ARID1B: variants seen among roughly 807,000 people sequenced by gnomAD.
The protein encoded by ARID1B is AT-rich interaction domain 1B, also known as AT-rich interactive domain-containing protein 1B.
A neutral mutation model predicts 212.3 loss-of-function variants in ARID1B; 30 were observed. The ratio of observed to expected loss-of-function variants is 0.14; its 90% CI spans 0.11 to 0.19. The LOEUF (loss-of-function observed/expected upper bound fraction) is 0.19. Ranked by LOEUF, ARID1B falls within the 10% of genes least tolerant of loss-of-function variation. The pLI is 1.00. For synonymous variants in ARID1B, 1,402 were observed against 1,301.7 expected (o/e 1.08, Z -1.66); for missense variants, 2,891 against 3,204.0 (o/e 0.90, Z 2.36).
intron 3 of ARID1B, among the ~76,000 whole-genome samples, chr6:156,908,998 C>CT (rs1357865313): frequency 6.6e-6 from 1 of 151,676 alleles, no homozygotes; most frequent in East Asian, 1.9e-4. Flanking sequence ...TGCCCTGTCT[C>CT]ATCTTTTCCT....
At chr6:156,833,039 A>G (rs1006947728) in intron 2 of ARID1B, among the ~76,000 whole-genome samples, 1 of 152,052 alleles carries the variant, frequency 6.6e-6, no homozygotes, top group Non-Finnish European at 1.5e-5. Flanking sequence ...GTTTTTGTTG[A>G]GTTCAGGGGG....
At chr6:156,979,157 C>T (rs1440665817) in intron 4 of ARID1B, among the ~76,000 whole-genome samples, 1 of 152,130 alleles carries the variant, frequency 6.6e-6, no homozygotes, top group African/African-American at 2.4e-5. Context: ...CTATACTTAC[C>T]AGGTGACAGA....
intron 8 of ARID1B, among the ~76,000 whole-genome samples, chr6:157,161,729 C>T (rs1163594616): frequency 6.6e-6 from 1 of 152,152 alleles, no homozygotes; most frequent in African/African-American, 2.4e-5. Flanking sequence ...GGAATTGGAG[C>T]ATTTCAAGGT....
intron 4 of ARID1B, among the ~76,000 whole-genome samples, chr6:156,971,961 C>G (rs946432331): frequency 1.3e-5 from 2 of 152,114 alleles, no homozygotes; most frequent in African/African-American, 4.8e-5. Flanking sequence ...GCACTTGAGG[C>G]TCGAGCGCCC....
chr6:157,019,316 T>C (rs1780087157), intron 4 of ARID1B, among the ~76,000 whole-genome samples: 2 of 152,162 alleles, frequency 1.3e-5, no homozygotes, highest in African/African-American at 2.4e-5. Flanking sequence ...TGGAGGCTAG[T>C]CTGTATTTCA....
chr6:157,105,685 T>C (rs1160336663), intron 5 of ARID1B, among the ~76,000 whole-genome samples: 5 of 152,164 alleles, frequency 3.3e-5, no homozygotes, highest in African/African-American at 1.2e-4. Context: ...CACTGCAACC[T>C]CCGCCTCCCG....
At chr6:157,163,205 A>G (rs533291993) in intron 8 of ARID1B, among the ~76,000 whole-genome samples, 1 of 152,296 alleles carries the variant, frequency 6.6e-6, no homozygotes, top group South Asian at 2.1e-4. Context: ...TGCTCTGGAA[A>G]GGACCCAGCT....
chr6:156,822,845 C>T (rs1480994810), intron 1 of ARID1B, among the ~76,000 whole-genome samples: 1 of 152,042 alleles, frequency 6.6e-6, no homozygotes, highest in African/African-American at 2.4e-5. Flanking sequence ...CGTGACCAGG[C>T]GGGTGTGCGA....
chr6:157,080,252 A>T (rs192847163), intron 4 of ARID1B, among the ~76,000 whole-genome samples: 30 of 152,292 alleles, frequency 2.0e-4, no homozygotes, highest in African/African-American at 5.1e-4. Flanking sequence ...TTTGCTTTTT[A>T]AAAAACCCAC....
chr6:156,828,756 G>T (rs116517862), intron 1 of ARID1B, among the ~76,000 whole-genome samples: 1 of 152,112 alleles, frequency 6.6e-6, no homozygotes, highest in Non-Finnish European at 1.5e-5. Flanking sequence ...ATGAACACTC[G>T]GTTGCACTAA....
chr6:157,196,193 G>C lies in ARID1B; in HGVS notation c.4260G>C (p.Thr1420=), dbSNP rs374823620. 34 of 1,613,294 alleles carry C rather than the reference G, an allele frequency of 2.1e-5. No homozygotes were observed. The African/African-American group carries it at 3.7e-4, about 18-fold the overall frequency. ...KVPGSSEPFM[T]QGQMPNSSMQ... ...CTGGAAGCAGCGAGCCCTTTATGAC[G>C]CAAGGACAGATGCCCAACAGCAGCA... The change falls in exon 16 of 20, where the codon ACG becomes ACC. Residue 1420 remains threonine, a synonymous_variant. Coordinates refer to ENST00000636930, the MANE Select transcript of ARID1B (RefSeq NM_001374828.1).
chr6:157,014,008 G>GT (rs1254634479), intron 4 of ARID1B, among the ~76,000 whole-genome samples: 2 of 152,146 alleles, frequency 1.3e-5, no homozygotes, highest in Non-Finnish European at 2.9e-5. Context: ...ATTGCTGGGT[G>GT]TTTTTTGTTT....
chr6:156,998,592 G>A lies in ARID1B; in HGVS notation c.2247+63016G>A, dbSNP rs542407031. On this transcript the variant is annotated intron_variant, in intron 4 of 19. Coordinates refer to ENST00000636930, the MANE Select transcript of ARID1B (RefSeq NM_001374828.1). ...AAGGGGCACGAGGAATGACTGCTGCGAGCTGACAGTGGCTGTGCAGCCGAC... is the reference window on the plus strand; with the variant it reads ...AAGGGGCACGAGGAATGACTGCTGCAAGCTGACAGTGGCTGTGCAGCCGAC... 1.1e-4 allele frequency among the ~76,000 whole-genome samples: 17 copies of A among 152,226 alleles called. No homozygotes were observed. In the South Asian group the frequency reaches 2.7e-3, roughly 24 times the overall value.
At chr6:156,987,496 A>G (rs1052939871) in intron 4 of ARID1B, among the ~76,000 whole-genome samples, 1 of 151,996 alleles carries the variant, frequency 6.6e-6, no homozygotes, top group South Asian at 2.1e-4. Context: ...GCACCCGGCT[A>G]ATTTTTTATA....
intron 4 of ARID1B, chr6:157,036,787 A>G (rs1194044388): frequency 2.1e-6 from 1 of 487,382 alleles, no homozygotes; most frequent in Non-Finnish European, 4.1e-6. Flanking sequence ...GCTAGACTCA[A>G]AGAGGTTTTT....
chr6:156,927,250 TCTC>T (rs1562489451), intron 3 of ARID1B, among the ~76,000 whole-genome samples: 1 of 152,218 alleles, frequency 6.6e-6, no homozygotes, highest in Non-Finnish European at 1.5e-5. Context: ...TTTTCCTCCA[TCTC>T]CTCTCCTTCT....
intron 15 of ARID1B, among the ~76,000 whole-genome samples, chr6:157,191,824 T>G (rs1793397637): frequency 6.6e-6 from 1 of 152,236 alleles, no homozygotes; most frequent in African/African-American, 2.4e-5. Flanking sequence ...CTGGAATCCC[T>G]TAAATAATAG....
intron 1 of ARID1B, among the ~76,000 whole-genome samples, chr6:156,821,155 C>G (rs888151017): frequency 6.6e-6 from 1 of 152,060 alleles, no homozygotes; most frequent in African/African-American, 2.4e-5. Context: ...CAGAAATAAG[C>G]GAAATGCAAA....
intron 1 of ARID1B, among the ~76,000 whole-genome samples, chr6:156,812,226 G>A (rs1781602359): frequency 6.6e-6 from 1 of 152,154 alleles, no homozygotes; most frequent in East Asian, 1.9e-4. Flanking sequence ...CAACCTCCCA[G>A]GCTCAAGTGA....
Sources: allele counts gnomAD v4.1 joint callset (sites outside exome capture counted in the v4.1 genomes callset), GRCh38; gene constraint gnomAD v4.1.1; transcripts MANE v1.5; gene names NCBI Gene and HGNC (gene_info 2026-07-23, HGNC 2026-07-21).